The following SUGP1 variants were observed in gnomAD, a reference collection of about 807,000 sequenced individuals.
SUGP1 encodes SURP and G-patch domain containing 1, also known as SURP and G-patch domain-containing protein 1.
A neutral mutation model predicts 76.5 loss-of-function variants in SUGP1; 34 were observed. The ratio of observed to expected loss-of-function variants is 0.44; its 90% CI spans 0.34 to 0.59. The LOEUF (loss-of-function observed/expected upper bound fraction) is 0.59, where lower values mean the gene tolerates loss of function less well. SUGP1 is among the 20% of genes least tolerant of loss of function. The pLI, the probability that SUGP1 is intolerant of heterozygous loss-of-function variation, is 0.01. For synonymous variants in SUGP1, 326 were observed against 326.2 expected (o/e 1.00, Z 0.01); for missense variants, 752 against 851.7 (o/e 0.88, Z 1.46).
At chr19:19,311,726 CAAAAAAAAA>C (rs55707664) in intron 2 of SUGP1, among the ~76,000 whole-genome samples, 3 of 77,270 alleles carry the variant, frequency 3.9e-5, no homozygotes, top group African/African-American at 9.8e-5. Context: ...GACTCTGTCT[CAAAAAAAAA>C]AAAAAAAAAA....
rs1369371802 is a variant in SUGP1 at position 19,302,272 on chromosome 19, C to A, written c.880G>T (p.Ala294Ser). 6.2e-7 allele frequency: 1 copy of A among 1,614,164 alleles called. No homozygotes were observed. Among genetic ancestry groups the A allele is most frequent in the East Asian group, 2.2e-5 (1 of 44,876 alleles). The change falls in exon 7 of 14, where the codon GCA (alanine) becomes TCA (serine). Residue 294 changes from alanine to serine, a missense_variant. Around this residue, in one of 2 missense-constraint regions of SUGP1, gnomAD observed 620 missense variants for 617.3 expected, o/e 1.00. Transcript: ENST00000247001. Reference sequence around the variant, plus strand: ...TGGCAGGGCCCCCCTTACCTGAATGCCTGGTTCTCACGGTTGTTCTGGAGG... The same window carrying A: ...TGGCAGGGCCCCCCTTACCTGAATGACTGGTTCTCACGGTTGTTCTGGAGG... Reference protein sequence around the residue: ...IALQNNRENQAFSFLYEPNSQ... With the variant: ...IALQNNRENQSFSFLYEPNSQ...
rs765070785 is a variant in SUGP1 at position 19,278,680 on chromosome 19, C to T, written c.1635+10G>A. The T allele has an allele frequency of 6.2e-7, 1 of 1,606,590 alleles. No homozygotes were observed. Among genetic ancestry groups the T allele is most frequent in the Non-Finnish European group, 8.5e-7 (1 of 1,176,718 alleles). ...GGCAGAGGCTGGAGCTAGGGCCCCTCCTGGCTCACCTTCAGGGCCTTGAAG... is the reference window on the plus strand; with the variant it reads ...GGCAGAGGCTGGAGCTAGGGCCCCTTCTGGCTCACCTTCAGGGCCTTGAAG... On this transcript the variant is annotated intron_variant, in intron 11 of 13. Transcript: ENST00000247001.
Position 19,283,098 on chromosome 19 carries a change from G to C in SUGP1, c.1244-2807C>G, listed in dbSNP as rs535881743. ...TCTCAAAAAAAAAAAAAAGTTAGGA[G>C]TGTCAATGAATGTATAAGATATATG... On this transcript the variant is annotated intron_variant, in intron 8 of 13. Transcript: ENST00000247001. Among the ~76,000 whole-genome samples, 4 of 151,428 alleles carry C rather than the reference G, an allele frequency of 2.6e-5. No homozygotes were observed. The East Asian group carries it at 7.7e-4, about 29-fold the overall frequency.
chr19:19,278,846 G>T (rs748314381), intron 10 of SUGP1, 50 bp from the exon 11 acceptor site: 2 of 1,566,436 alleles, frequency 1.3e-6, no homozygotes, highest in South Asian at 2.3e-5. Context: ...GGAAGGAGGG[G>T]AGCAGGCCTG....
chr19:19,291,903 A>T (rs1421172565), intron 8 of SUGP1, among the ~76,000 whole-genome samples: 4 of 110,034 alleles, frequency 3.6e-5, no homozygotes, highest in Admixed American at 8.8e-5. Flanking sequence ...ACACACACAC[A>T]CACACACACA....
chr19:19,276,719 A>C (rs1249401384), intron 13 of SUGP1, 45 bp from the exon 14 acceptor site: 15 of 1,613,466 alleles, frequency 9.3e-6, no homozygotes, highest in Non-Finnish European at 1.3e-5. Context: ...ATTAGCACTA[A>C]AGACAGCAGT....
intron 2 of SUGP1, among the ~76,000 whole-genome samples, chr19:19,312,846 C>T (rs963424972): frequency 3.3e-5 from 5 of 151,480 alleles, no homozygotes; most frequent in East Asian, 3.9e-4. Context: ...AAAAATTAGC[C>T]GGGCATGGTG....
chr19:19,304,026 C>T (rs2061295293), intron 4 of SUGP1, 179 bp from the exon 5 acceptor site: 2 of 1,583,266 alleles, frequency 1.3e-6, no homozygotes, highest in Admixed American at 3.4e-5. Flanking sequence ...GTCGGTCTCA[C>T]TGTCTTGGTG....
At chr19:19,285,452 C>A (rs2061132238) in intron 8 of SUGP1, among the ~76,000 whole-genome samples, 1 of 152,162 alleles carries the variant, frequency 6.6e-6, no homozygotes, top group African/African-American at 2.4e-5. Flanking sequence ...CAGGCATGAG[C>A]CACTGTACCC....
intron 1 of SUGP1, 33 bp downstream of exon 1, chr19:19,320,430 G>A (rs756397336): frequency 1.9e-6 from 3 of 1,607,046 alleles, no homozygotes; most frequent in Admixed American, 3.4e-5. Flanking sequence ...CAGGGACCCA[G>A]GCGGCCGCCT....
At position 19,297,311 on chromosome 19, in the gene SUGP1, C is replaced by A; in HGVS notation, c.921G>T (p.Lys307Asn). 1 of 1,528,878 alleles carries A rather than the reference C, an allele frequency of 6.5e-7. No individual in the cohort carries two copies. The highest frequency in any genetic ancestry group is 1.3e-5 in the South Asian group (1 of 79,416). The allele number at this position is 1,528,878 out of a possible 1,614,324, so 94.7% of individuals were successfully genotyped here. A position where few individuals can be genotyped will look rare whatever the true frequency, so the allele number is the denominator to read the frequency against. Residue 307 changes from lysine (K) to asparagine (N), a missense_variant, in exon 8 of 14, where the codon AAG (lysine) becomes AAT (asparagine). By Grantham distance (94) the Lys-to-Asn change is moderately conservative. This residue lies in a region of SUGP1 where 620 missense variants were observed against 617.3 expected (regional missense o/e 1.00). Transcript: ENST00000247001. ...ACTCCTCCAGCTTCTGTCGGTAGTA[C>A]TTGTACCCTTGGCTATTGGGCTCAT... ...FLYEPNSQGYKYYRQKLEEFR... is the reference protein window; with the variant it reads ...FLYEPNSQGYNYYRQKLEEFR...
intron 4 of SUGP1, among the ~76,000 whole-genome samples, chr19:19,304,375 C>A (rs1317007094): frequency 6.6e-6 from 1 of 152,050 alleles, no homozygotes; most frequent in Non-Finnish European, 1.5e-5. Flanking sequence ...TGATGGCCTC[C>A]TTGCCATCTG....
chr19:19,316,813 C>T (rs534121197), intron 1 of SUGP1, among the ~76,000 whole-genome samples: 2 of 152,236 alleles, frequency 1.3e-5, no homozygotes, highest in East Asian at 1.9e-4. Context: ...GGACTCGCTT[C>T]AGGCTGGGAA....
At chr19:19,319,036 G>A (rs895772258) in intron 1 of SUGP1, among the ~76,000 whole-genome samples, 2 of 148,392 alleles carry the variant, frequency 1.3e-5, no homozygotes, top group Non-Finnish European at 3.0e-5. Flanking sequence ...TGGCCAACAT[G>A]GTGATACCCC....
At chr19:19,303,266 C>A (rs2061285849) in intron 6 of SUGP1, 82 bp downstream of exon 6, 3 of 1,215,008 alleles carry the variant, frequency 2.5e-6, no homozygotes, top group Non-Finnish European at 3.6e-6. Context: ...CACTCCAGCA[C>A]CTCCAGGAAC....
intron 7 of SUGP1, among the ~76,000 whole-genome samples, chr19:19,298,560 G>A (rs903446703): frequency 3.9e-5 from 6 of 152,168 alleles, no homozygotes; most frequent in African/African-American, 1.4e-4. Flanking sequence ...AGGTGAGCCT[G>A]TGTGTCTACG....
chr19:19,291,095 T>C (rs2061179959), intron 8 of SUGP1, among the ~76,000 whole-genome samples: 1 of 152,012 alleles, frequency 6.6e-6, no homozygotes, highest in African/African-American at 2.4e-5. Flanking sequence ...CCAGCCTGGG[T>C]GACAGAGTGA....
intron 6 of SUGP1, chr19:19,302,590 G>A (rs547681939): frequency 2.3e-5 from 15 of 662,400 alleles, no homozygotes; most frequent in East Asian, 9.4e-5. Flanking sequence ...CCCCCGCCCC[G>A]TCCCACAAGG....
rs551998983 is a variant in SUGP1 at position 19,283,525 on chromosome 19, G to A, written c.1244-3234C>T. Among the ~76,000 whole-genome samples the A allele has an allele frequency of 8.5e-5, 13 of 152,062 alleles. 1 individual carries two copies. In the South Asian group the frequency reaches 2.5e-3, roughly 29 times the overall value. The stretch of plus-strand genomic sequence containing the variant: ...GCTGGAATGCAGTGGTACGACTTCG[G>A]CTCACTGCAACCTCCGCCTCCTGGG... On this transcript the variant is annotated intron_variant, in intron 8 of 13. Transcript: ENST00000247001.
Sources: gnomAD v4.1 joint callset for allele counts (sites outside exome capture counted in the v4.1 genomes callset) on GRCh38, gnomAD v4.1.1 for gene constraint, gnomAD v4.1.1 regional missense constraint, MANE v1.5 for transcripts, NCBI Gene and HGNC (gene_info 2026-07-23, HGNC 2026-07-21) for gene names.